GSK3B: variants seen among roughly 807,000 people sequenced by gnomAD.
GSK3B encodes glycogen synthase kinase-3 beta.
Under a neutral mutation model 56.4 loss-of-function variants are expected in GSK3B, and 15 were observed. The observed-to-expected ratio is 0.27, with a 90% confidence interval of 0.18 to 0.41. The LOEUF (loss-of-function observed/expected upper bound fraction) is 0.41. GSK3B is among the 10% of genes least tolerant of loss of function. The probability of loss-of-function intolerance (pLI) is 1.00; values close to 1 mark genes in which losing one functional copy is unlikely to be tolerated. For missense variants in GSK3B, 300 were observed against 513.4 expected, an observed-to-expected ratio of 0.58 and a Z score of 4.02; for synonymous variants, 181 against 188.9, an observed-to-expected ratio of 0.96 and a Z score of 0.34.
rs1017897251 is a variant in GSK3B at position 119,936,425 on chromosome 3, C to A, written c.366+10843G>T. ...GCAGTGGTAGGATCTCAGCTCACTT[C>A]AACCTCTGCCTCCCAGGTTCAAGTG... is the stretch of plus-strand genomic sequence containing the variant. On this transcript the variant is annotated intron_variant, in intron 3 of 10. Coordinates refer to ENST00000264235, the MANE Select transcript of GSK3B (RefSeq NM_001146156.2). Among the ~76,000 whole-genome samples the A allele has an allele frequency of 7.4e-4, 110 of 149,568 alleles. 4 individuals carry two copies. The highest frequency in any genetic ancestry group is 2.5e-3 in the African/African-American group (102 of 40,014).
rs964177826 is a variant in GSK3B at position 119,837,949 on chromosome 3, T to C, written c.1195+5306A>G. Among the ~76,000 whole-genome samples the C allele has an allele frequency of 6.1e-3, 640 of 104,754 alleles. 5 individuals are homozygous for C. The highest frequency in any genetic ancestry group is 0.037 in the African/African-American group (600 of 16,210). 68.7% of individuals were successfully genotyped at this position (104,754 alleles called of 152,430 possible). A position where few individuals can be genotyped will look rare whatever the true frequency, so the allele number is the denominator to read the frequency against. ...TTCCTACGTTGACCATTCACATATA[T>C]ATATATATATATATATATATATTTC... On this transcript the variant is annotated intron_variant, in intron 10 of 10. Transcript: ENST00000264235.
chr3:119,938,871 TA>T (rs922636971), intron 3 of GSK3B, among the ~76,000 whole-genome samples: 5 of 152,082 alleles, frequency 3.3e-5, no homozygotes, highest in African/African-American at 1.2e-4. Context: ...AGGCTTTCAA[TA>T]AATCTACATA....
Position 119,916,138 on chromosome 3 carries a change from T to C in GSK3B, c.514A>G (p.Ile172Val). Residue 172 changes from isoleucine to valine, a missense_variant, in exon 5 of 11, where the codon ATC (isoleucine) becomes GTC (valine). By Grantham distance (29) the Ile-to-Val change is conservative. Transcript: ENST00000264235. ...MYQLFRSLAYIHSFGICHRDI... is the reference protein window; with the variant it reads ...MYQLFRSLAYVHSFGICHRDI... ...CGATGGCAGATTCCAAAGGAATGGA[T>C]ATAGGCTAAACTTCGGAACAGCTGA... The C allele has an allele frequency of 6.2e-7, 1 of 1,610,302 alleles. No individual in the cohort carries two copies. Among genetic ancestry groups the C allele is most frequent in the Non-Finnish European group, 8.5e-7 (1 of 1,176,642 alleles).
In GSK3B at chr3:120,093,504, G is replaced by A. The variant is rs2058532662; in HGVS notation, c.-70C>T. 2 of 1,007,916 alleles carry A rather than the reference G, an allele frequency of 2.0e-6. No homozygotes were observed. The highest frequency in any genetic ancestry group is 1.8e-5 in the Admixed American group (1 of 55,246). The allele number at this position is 1,007,916 out of a possible 1,614,324, so 62.4% of individuals were successfully genotyped here. On this transcript the variant is annotated 5_prime_UTR_variant, in exon 1 of 11. Coordinates refer to ENST00000264235, the MANE Select transcript of GSK3B (RefSeq NM_001146156.2). ...CTTCCTTTTGTCTTTATGTTGGGGT[G>A]TTAGGTTAACGATAAATGCAGCATT...
chr3:119,862,664 C>CTT (rs2056122340), intron 9 of GSK3B, among the ~76,000 whole-genome samples: 1 of 119,148 alleles, frequency 8.4e-6, no homozygotes, highest in African/African-American at 3.3e-5. Context: ...TCAACTATTT[C>CTT]TTGTTTTTTT....
At chr3:119,903,891 C>T (rs908319228) in intron 7 of GSK3B, among the ~76,000 whole-genome samples, 3 of 152,052 alleles carry the variant, frequency 2.0e-5, no homozygotes, top group African/African-American at 7.2e-5. Flanking sequence ...AGGAGAAATG[C>T]TGAATGGTTG....
chr3:119,974,150 C>A (rs939749735), intron 2 of GSK3B, among the ~76,000 whole-genome samples: 2 of 152,152 alleles, frequency 1.3e-5, no homozygotes, highest in African/African-American at 4.8e-5. Context: ...CTGAGGAAGA[C>A]ATGAATGAAA....
chr3:120,062,306 T>C (rs951607564), intron 1 of GSK3B, among the ~76,000 whole-genome samples: 5 of 152,226 alleles, frequency 3.3e-5, no homozygotes, highest in African/African-American at 1.2e-4. Flanking sequence ...GTATGTTACA[T>C]GTACCACCTT....
intron 1 of GSK3B, among the ~76,000 whole-genome samples, chr3:120,031,351 C>T (rs1227810674): frequency 6.6e-6 from 1 of 152,112 alleles, no homozygotes; most frequent in Admixed American, 6.5e-5. Flanking sequence ...ATTAGCCCGC[C>T]AAAATCCCTT....
chr3:120,039,030 A>T (rs2058044987), intron 1 of GSK3B, among the ~76,000 whole-genome samples: 1 of 152,210 alleles, frequency 6.6e-6, no homozygotes, highest in South Asian at 2.1e-4. Context: ...GTGTACAAAA[A>T]ATCTGAACTG....
intron 1 of GSK3B, among the ~76,000 whole-genome samples, chr3:120,050,879 A>G (rs539209121): frequency 1.3e-5 from 2 of 152,316 alleles, no homozygotes; most frequent in South Asian, 4.1e-4. Flanking sequence ...AGGTAGGCAG[A>G]GTATGAACAA....
chr3:119,989,652 A>C (rs1474161326), intron 2 of GSK3B, among the ~76,000 whole-genome samples: 1 of 152,066 alleles, frequency 6.6e-6, no homozygotes, highest in African/African-American at 2.4e-5. Context: ...CTCCAAAAAA[A>C]AAAAAAAGGA....
At chr3:119,899,691 C>T (rs2056606264) in intron 7 of GSK3B, among the ~76,000 whole-genome samples, 1 of 151,898 alleles carries the variant, frequency 6.6e-6, no homozygotes, top group South Asian at 2.1e-4. Context: ...TGTTTACTAA[C>T]AAAAACAAAA....
At chr3:119,952,215 C>T (rs542098971) in intron 2 of GSK3B, among the ~76,000 whole-genome samples, 39 of 152,166 alleles carry the variant, frequency 2.6e-4, no homozygotes, top group African/African-American at 9.1e-4. Context: ...CGGCCAGGCA[C>T]GGTGGCTCAC....
chr3:119,936,792 T>A (rs560654635), intron 3 of GSK3B, among the ~76,000 whole-genome samples: 7 of 152,060 alleles, frequency 4.6e-5, no homozygotes, highest in African/African-American at 7.3e-5. Context: ...TGTACAATAG[T>A]TGGAGACTTC....
intron 3 of GSK3B, among the ~76,000 whole-genome samples, chr3:119,930,080 TACACACACACACACACAC>T (rs71619762): frequency 1.3e-4 from 18 of 133,594 alleles, no homozygotes; most frequent in African/African-American, 2.6e-4. Flanking sequence ...TTCTGTCTCC[TACACACACACACACACAC>T]ACACACACAC....
intron 10 of GSK3B, among the ~76,000 whole-genome samples, chr3:119,827,797 T>TA (rs1345753862): frequency 1.3e-5 from 2 of 149,854 alleles, no homozygotes; most frequent in Admixed American, 6.7e-5. Context: ...CTCACGGAGT[T>TA]AGAGAGAAGG....
chr3:120,005,800 C>T (rs542182897), intron 1 of GSK3B, among the ~76,000 whole-genome samples: 52 of 152,236 alleles, frequency 3.4e-4, no homozygotes, highest in African/African-American at 1.1e-3. Context: ...TAGCAACAAC[C>T]GGTAGCAGCC....
chr3:119,963,483 AAAAACAGACATATG>A (rs1286420040), intron 2 of GSK3B, among the ~76,000 whole-genome samples: 2 of 151,984 alleles, frequency 1.3e-5, no homozygotes, highest in Non-Finnish European at 2.9e-5. Flanking sequence ...ACAAGCATAT[AAAAACAGACATATG>A]AATCCCAGCT....
Sources: allele counts gnomAD v4.1 joint callset (sites outside exome capture counted in the v4.1 genomes callset), GRCh38; gene constraint gnomAD v4.1.1; transcripts MANE v1.5; gene names NCBI Gene and HGNC (gene_info 2026-07-23, HGNC 2026-07-21).